FSD1L: variants seen among roughly 807,000 people sequenced by gnomAD.
The protein encoded by FSD1L is fibronectin type III and SPRY domain containing 1 like, also known as FSD1-like protein.
A neutral mutation model predicts 71.6 loss-of-function variants in FSD1L; 45 were observed. The observed-to-expected ratio is 0.63, with a 90% CI of 0.49 to 0.81. The LOEUF (loss-of-function observed/expected upper bound fraction) is 0.81, where lower values mean the gene tolerates loss of function less well. Ranked by LOEUF, FSD1L falls within the 30% of genes least tolerant of loss-of-function variation. The pLI is 0.00. For synonymous variants in FSD1L, 197 were observed against 207.2 expected, an observed-to-expected ratio of 0.95 and a Z score of 0.42; for missense variants, 561 against 618.1, an observed-to-expected ratio of 0.91 and a Z score of 0.98.
intron 10 of FSD1L, chr9:105,522,287 T>C (rs1835219499): frequency 3.7e-6 from 6 of 1,613,674 alleles, no homozygotes; most frequent in Non-Finnish European, 5.1e-6. Flanking sequence ...GGAATTTATA[T>C]AGTTTGGATC....
At chr9:105,497,020 C>T (rs1833456229) in intron 7 of FSD1L, among the ~76,000 whole-genome samples, 1 of 152,162 alleles carries the variant, frequency 6.6e-6, no homozygotes, top group South Asian at 2.1e-4. Flanking sequence ...TATTTCTTAA[C>T]AAGTTGAGTT....
In FSD1L at chr9:105,482,852, C is replaced by T. The variant is rs143614119; in HGVS notation, c.465-1529C>T. Among the ~76,000 whole-genome samples, 20 of 152,136 alleles carry T rather than the reference C, an allele frequency of 1.3e-4. No homozygotes were observed. The East Asian group carries it at 2.3e-3, about 18-fold the overall frequency. ...GGTTTAAAATTCTCTAAAATACTTT[C>T]GGATTTTTTTTCTCAACATTTCTCA... On this transcript the variant is annotated intron_variant, in intron 6 of 13. Transcript: ENST00000481272.
At chr9:105,498,511 C>T (rs1050594902) in intron 7 of FSD1L, among the ~76,000 whole-genome samples, 11 of 151,920 alleles carry the variant, frequency 7.2e-5, no homozygotes, top group African/African-American at 2.7e-4. Context: ...ATTTGTGTAT[C>T]TAAACATATC....
At chr9:105,493,430 C>G (rs1192048155) in intron 7 of FSD1L, among the ~76,000 whole-genome samples, 4 of 151,942 alleles carry the variant, frequency 2.6e-5, no homozygotes, top group Non-Finnish European at 5.9e-5. Context: ...ATACAGCACA[C>G]TGATGGGTCT....
intron 1 of FSD1L, among the ~76,000 whole-genome samples, chr9:105,449,132 G>T (rs1352520707): frequency 6.6e-6 from 1 of 152,150 alleles, no homozygotes; most frequent in Non-Finnish European, 1.5e-5. Context: ...ATATCTAAGA[G>T]ACTATTCTTT....
intron 9 of FSD1L, among the ~76,000 whole-genome samples, chr9:105,510,965 A>T (rs962870259): frequency 6.6e-6 from 1 of 151,268 alleles, no homozygotes; most frequent in African/African-American, 2.4e-5. Context: ...TACAAGAGAT[A>T]GGACCTCACT....
intron 1 of FSD1L, among the ~76,000 whole-genome samples, chr9:105,458,006 G>C (rs1830461926): frequency 1.3e-5 from 2 of 152,236 alleles, no homozygotes; most frequent in Admixed American, 1.3e-4. Context: ...CAAGGGGTCG[G>C]GGGCAGGGGT....
intron 8 of FSD1L, among the ~76,000 whole-genome samples, chr9:105,507,213 G>A (rs1834108968): frequency 6.6e-6 from 1 of 152,132 alleles, no homozygotes; most frequent in Admixed American, 6.5e-5. Context: ...TTACCTTCAT[G>A]TTAATAATTA....
At chr9:105,541,969 G>A (rs925711142) in intron 13 of FSD1L, among the ~76,000 whole-genome samples, 2 of 151,896 alleles carry the variant, frequency 1.3e-5, no homozygotes, top group East Asian at 3.9e-4. Context: ...TTTTTTCATT[G>A]CTGAGTAGTG....
Position 105,531,902 on chromosome 9 carries a change from C to T in FSD1L, c.1026-2591C>T, listed in dbSNP as rs2131473695. On this transcript the variant is annotated intron_variant, in intron 10 of 13. Transcript: ENST00000481272. ...ATTTTACTTTCGCCCTCTTCCTTTT[C>T]ATGTCTTCTTTTAATGTTGCATCTA... Among the ~76,000 whole-genome samples, 2 of 152,288 alleles carry T rather than the reference C, an allele frequency of 1.3e-5. 1 individual carries two copies. The highest frequency in any genetic ancestry group is 2.9e-5 in the Non-Finnish European group (2 of 68,014).
chr9:105,443,833 A>C (rs1020317374), upstream of FSD1L, among the ~76,000 whole-genome samples: 4 of 152,188 alleles, frequency 2.6e-5, no homozygotes, highest in Non-Finnish European at 4.4e-5. Flanking sequence ...TTGAATGCTC[A>C]CTACATGCCA....
intron 7 of FSD1L, among the ~76,000 whole-genome samples, chr9:105,500,941 A>G (rs575754005): frequency 2.1e-4 from 32 of 152,358 alleles, no homozygotes; most frequent in Non-Finnish European, 3.8e-4. Flanking sequence ...CTATGACAAG[A>G]TCAATTTTAG....
chr9:105,488,819 GTT>G lies in FSD1L; in HGVS notation c.586+4332_586+4333del, dbSNP rs58736638. On this transcript the variant is annotated intron_variant, in intron 7 of 13. Transcript: ENST00000481272. ...CTTTGGCCTATTTTTTTTACATTGGGTTTTTTTTTTTTTTTTGGTACTACTTA... is the reference window on the plus strand; with the variant it reads ...CTTTGGCCTATTTTTTTTACATTGGGTTTTTTTTTTTTTTGGTACTACTTA... Among the ~76,000 whole-genome samples the G allele has an allele frequency of 1.1e-3, 143 of 133,662 alleles. 1 individual carries two copies. Among genetic ancestry groups the G allele is most frequent in the Middle Eastern group, 8.1e-3 (2 of 246 alleles). The allele number at this position is 133,662 out of a possible 152,430, so 87.7% of individuals were successfully genotyped here.
rs1554705301 is a variant in FSD1L, at chr9:105,485,533, G to GGTTTT, written c.586+1031_586+1032insGTTTT. Among the ~76,000 whole-genome samples, 20 of 79,408 alleles carry GGTTTT rather than the reference G, an allele frequency of 2.5e-4. 1 individual carries two copies. Among genetic ancestry groups the GGTTTT allele is most frequent in the East Asian group, 4.2e-4 (1 of 2,398 alleles). 52.1% of individuals were successfully genotyped at this position (79,408 alleles called of 152,430 possible). The stretch of plus-strand genomic sequence containing the variant: ...TGACTTAACAACCTTTTGGTTAGGT[G>GGTTTT]TTTTTTTTTTTTTTTTTTTTTTTGC... On this transcript the variant is annotated intron_variant, in intron 7 of 13. Coordinates refer to ENST00000481272, the MANE Select transcript of FSD1L (RefSeq NM_001145313.3).
chr9:105,523,503 C>T lies in FSD1L; in HGVS notation c.1025+10567C>T, dbSNP rs951644059. 2.5e-6 allele frequency: 4 copies of T among 1,612,864 alleles called. No homozygotes were observed. In the African/African-American group the frequency reaches 5.3e-5, roughly 22 times the overall value. On this transcript the variant is annotated intron_variant, in intron 10 of 13. Transcript: ENST00000481272. ...AAATTCAATCATGGATCCTGAAATA[C>T]ATGCTCAAGTTTTTGATTACCTCTG...
At chr9:105,444,461 C>A (rs574303639), upstream of FSD1L, among the ~76,000 whole-genome samples, 146 of 152,296 alleles carry the variant, frequency 9.6e-4, 1 homozygote, top group African/African-American at 3.4e-3. Flanking sequence ...AAGGGATAGA[C>A]TGCTGGCAAC....
chr9:105,487,388 C>A (rs536374996), intron 7 of FSD1L, among the ~76,000 whole-genome samples: 7 of 150,548 alleles, frequency 4.6e-5, no homozygotes, highest in African/African-American at 1.5e-4. Flanking sequence ...TATTTGAATG[C>A]CTGTATTGTT....
chr9:105,475,122 A>G (rs1055312244), intron 5 of FSD1L, among the ~76,000 whole-genome samples: 1 of 152,184 alleles, frequency 6.6e-6, no homozygotes, highest in African/African-American at 2.4e-5. Flanking sequence ...TAGTATTTCT[A>G]TTCCCACCCT....
At chr9:105,506,180 G>T (rs1834040312) in intron 7 of FSD1L, among the ~76,000 whole-genome samples, 1 of 152,124 alleles carries the variant, frequency 6.6e-6, no homozygotes, top group African/African-American at 2.4e-5. Context: ...GTGTTCAGAA[G>T]TAGCAAGTTA....
Sources: allele counts gnomAD v4.1 joint callset (sites outside exome capture counted in the v4.1 genomes callset), GRCh38; gene constraint gnomAD v4.1.1; transcripts MANE v1.5; gene names NCBI Gene and HGNC (gene_info 2026-07-23, HGNC 2026-07-21).